The following DGKH variants were observed in gnomAD, a reference collection of about 807,000 sequenced individuals.
The protein encoded by DGKH is diacylglycerol kinase eta, also known as DAG kinase eta.
A neutral mutation model predicts 159.3 loss-of-function variants in DGKH; 90 were observed. The observed-to-expected ratio is 0.57, with a 90% CI of 0.48 to 0.67. The LOEUF (loss-of-function observed/expected upper bound fraction) is 0.67, where lower values mean the gene tolerates loss of function less well. DGKH is among the 30% of genes least tolerant of loss of function. The probability of loss-of-function intolerance (pLI) is 0.00; values close to 1 mark genes in which losing one functional copy is unlikely to be tolerated. For synonymous variants in DGKH, 536 were observed against 553.8 expected (o/e 0.97, Z 0.45); for missense variants, 1,181 against 1,506.1 (o/e 0.78, Z 3.57).
intron 1 of DGKH, among the ~76,000 whole-genome samples, chr13:42,110,491 G>C: frequency 6.6e-6 from 1 of 152,194 alleles, no homozygotes; most frequent in East Asian, 1.9e-4. Flanking sequence ...AAAGTGGTTG[G>C]TTACATCAAA....
chr13:42,115,248 A>C (rs1351811011), intron 1 of DGKH, among the ~76,000 whole-genome samples: 1 of 152,212 alleles, frequency 6.6e-6, no homozygotes, highest in South Asian at 2.1e-4. Flanking sequence ...CAAAGAAAAA[A>C]AGTTTTAATC....
At chr13:42,101,570 T>C (rs1464360989) in intron 1 of DGKH, among the ~76,000 whole-genome samples, 1 of 152,164 alleles carries the variant, frequency 6.6e-6, no homozygotes, top group Non-Finnish European at 1.5e-5. Context: ...TGTTGGACAG[T>C]GCTGGTCATG....
chr13:42,049,138 T>A (rs1482739622), intron 1 of DGKH, among the ~76,000 whole-genome samples, 173 bp downstream of exon 1: 2 of 44,904 alleles, frequency 4.5e-5, no homozygotes, highest in Non-Finnish European at 8.7e-5. Flanking sequence ...AAGGCGGGGA[T>A]GGTGAGACGG....
chr13:42,210,794 G>C, intron 24 of DGKH, 29 bp downstream of exon 24: 2 of 1,584,806 alleles, frequency 1.3e-6, no homozygotes, highest in Non-Finnish European at 1.7e-6. Context: ...TTTTCAGGCT[G>C]TGGGAACTGT....
At chr13:42,225,377 T>C in intron 29 of DGKH, 3 of 1,530,420 alleles carry the variant, frequency 2.0e-6, no homozygotes, top group Non-Finnish European at 2.6e-6. Context: ...GTTTTTTCTA[T>C]TTGGAAAGTT....
intron 1 of DGKH, among the ~76,000 whole-genome samples, chr13:42,122,037 A>C (rs990899752): frequency 6.6e-6 from 1 of 152,126 alleles, no homozygotes; most frequent in Admixed American, 6.5e-5. Context: ...AATTTTCCCC[A>C]CTACCCCAAT....
intron 1 of DGKH, among the ~76,000 whole-genome samples, chr13:42,104,221 C>T (rs7984523): frequency 0.57 from 86,817 of 152,064 alleles, 25,183 homozygotes; most frequent in Non-Finnish European, 0.63. Context: ...CTCTGTTGCA[C>T]GGGACCATTC....
In DGKH at chr13:42,076,872, G is replaced by T. The variant is rs368358200; in HGVS notation, c.192+27907G>T. 4.6e-5 allele frequency among the ~76,000 whole-genome samples: 7 copies of T among 152,240 alleles called. 1 individual carries two copies. The highest frequency in any genetic ancestry group is 6.8e-3 in the Middle Eastern group (2 of 294). On this transcript the variant is annotated intron_variant, in intron 1 of 29. Transcript: ENST00000337343. ...GCTCCAATTTCTGTAGGATGAGAAA[G>T]AAGTTATATAAGTTATTGGAAGTTA...
At chr13:42,253,145 G>A (rs1301023957) in intron 30 of DGKH, among the ~76,000 whole-genome samples, 1 of 152,222 alleles carries the variant, frequency 6.6e-6, no homozygotes, top group African/African-American at 2.4e-5. Context: ...TTTATGCTGA[G>A]TGCTATAGTC....
At chr13:42,134,027 C>T (rs1448296764) in intron 3 of DGKH, among the ~76,000 whole-genome samples, 1 of 152,138 alleles carries the variant, frequency 6.6e-6, no homozygotes, top group East Asian at 1.9e-4. Context: ...TTTCAGCCAT[C>T]CCTCCTCTTG....
chr13:42,166,271 A>T (rs946329189), intron 8 of DGKH, among the ~76,000 whole-genome samples: 6 of 152,136 alleles, frequency 3.9e-5, no homozygotes, highest in African/African-American at 1.4e-4. Flanking sequence ...TATAAATTTT[A>T]AAATATTCTC....
chr13:42,216,308 G>A (rs1056514804), intron 26 of DGKH, among the ~76,000 whole-genome samples: 1 of 152,148 alleles, frequency 6.6e-6, no homozygotes, highest in Non-Finnish European at 1.5e-5. Context: ...GGCTCTTGCC[G>A]CCACCTAGAG....
intron 3 of DGKH, among the ~76,000 whole-genome samples, chr13:42,150,292 G>A (rs2137927723): frequency 6.6e-6 from 1 of 152,204 alleles, no homozygotes; most frequent in African/African-American, 2.4e-5. Context: ...ATGGCAAAAT[G>A]GATTGTGCCC....
chr13:42,247,977 A>C (rs1299387751), intron 29 of DGKH, among the ~76,000 whole-genome samples: 1 of 152,200 alleles, frequency 6.6e-6, no homozygotes, highest in South Asian at 2.1e-4. Flanking sequence ...TTATTGAAGA[A>C]AGAAAAATAT....
intron 23 of DGKH, among the ~76,000 whole-genome samples, chr13:42,210,082 G>C (rs186107540): frequency 6.8e-6 from 1 of 146,640 alleles, no homozygotes; most frequent in Non-Finnish European, 1.5e-5. Flanking sequence ...AAAGAAGACT[G>C]CTAATATTTG....
intron 27 of DGKH, 88 bp downstream of exon 27, chr13:42,219,437 A>C: frequency 6.5e-6 from 10 of 1,527,304 alleles, no homozygotes; most frequent in Non-Finnish European, 8.8e-6. Flanking sequence ...ATATTTAGGG[A>C]AAAATGAATT....
At chr13:42,214,420 T>A in intron 24 of DGKH, 87 bp from the exon 25 acceptor site, 2 of 1,263,788 alleles carry the variant, frequency 1.6e-6, no homozygotes, top group Non-Finnish European at 2.2e-6. Flanking sequence ...ATTTTTTACT[T>A]GTTTTATCCT....
chr13:42,142,689 T>C (rs1180344480), intron 3 of DGKH, among the ~76,000 whole-genome samples: 3 of 152,058 alleles, frequency 2.0e-5, no homozygotes, highest in East Asian at 1.9e-4. Flanking sequence ...ATGATTTGGC[T>C]CTCTGTTTGT....
Position 42,230,418 on chromosome 13 carries a change from C to G in DGKH, c.*1230C>G, listed in dbSNP as rs1349271861. Reference sequence around the variant, plus strand: ...ATTTTCCTTTTTCTAAACCACTGTACTTCAGTGTAGCTTATTATTAGAAGT... The same window carrying G: ...ATTTTCCTTTTTCTAAACCACTGTAGTTCAGTGTAGCTTATTATTAGAAGT... On this transcript the variant is annotated 3_prime_UTR_variant, in exon 30 of 30. Coordinates refer to ENST00000337343, the MANE Select transcript of DGKH (RefSeq NM_178009.5). 2.0e-5 allele frequency: 3 copies of G among 152,042 alleles called. No homozygotes were observed. The highest frequency in any genetic ancestry group is 4.4e-5 in the Non-Finnish European group (3 of 68,002). The allele number at this position is 152,042 out of a possible 1,614,324, so 9.4% of individuals were successfully genotyped here.
Sources: allele counts gnomAD v4.1 joint callset (sites outside exome capture counted in the v4.1 genomes callset), GRCh38; gene constraint gnomAD v4.1.1; transcripts MANE v1.5; gene names NCBI Gene and HGNC (gene_info 2026-07-23, HGNC 2026-07-21).